The following MCM6 variants were observed in gnomAD, a reference collection of about 807,000 sequenced individuals.
MCM6 encodes the protein minichromosome maintenance complex component 6.
MCM6 carries 46 observed loss-of-function variants against 94.3 expected under a neutral mutation model. That is an observed-to-expected ratio of 0.49 (90% CI 0.39 to 0.62). The LOEUF (loss-of-function observed/expected upper bound fraction) is 0.62, where lower values mean the gene tolerates loss of function less well. Ranked by LOEUF, MCM6 falls within the 20% of genes least tolerant of loss-of-function variation. The pLI is 0.00. For synonymous variants in MCM6, 335 were observed against 351.9 expected, an observed-to-expected ratio of 0.95 and a Z score of 0.54; for missense variants, 865 against 1,017.9, an observed-to-expected ratio of 0.85 and a Z score of 2.04.
At position 135,862,600 on chromosome 2, in the gene MCM6, C is replaced by G. The variant is rs199639116; in HGVS notation, c.1220+7G>C. 3 of 1,613,998 alleles carry G rather than the reference C, an allele frequency of 1.9e-6. No homozygotes were observed. The highest frequency in any genetic ancestry group is 2.5e-6 in the Non-Finnish European group (3 of 1,179,974). ...TTCCTGCAACACTGTATCAGGCAAA[C>G]GCTTACTTGAGAAATTGGCTCTTAG... On this transcript the variant is annotated splice_region_variant and intron_variant, in intron 8 of 16. Transcript: ENST00000264156.
chr2:135,846,782 T>A (rs1014893364), intron 14 of MCM6, among the ~76,000 whole-genome samples: 1 of 152,114 alleles, frequency 6.6e-6, no homozygotes, highest in Admixed American at 6.5e-5. Context: ...GGGAAGCACA[T>A]CACCTGAGGT....
At chr2:135,869,402 G>GA (rs1454791999) in intron 3 of MCM6, among the ~76,000 whole-genome samples, 1,947 of 47,552 alleles carry the variant, frequency 0.041, 83 homozygotes, top group African/African-American at 0.082. Context: ...CTCTGTCTCA[G>GA]AAAAAAAAAA....
intron 15 of MCM6, 28 bp from the exon 16 acceptor site, chr2:135,844,712 T>C: frequency 6.6e-7 from 1 of 1,511,622 alleles, no homozygotes; most frequent in Non-Finnish European, 8.8e-7. Flanking sequence ...ATTCAAATTA[T>C]CCTAGCAACT....
intron 15 of MCM6, among the ~76,000 whole-genome samples, chr2:135,845,728 T>C (rs1468452014): frequency 6.6e-6 from 1 of 152,228 alleles, no homozygotes; most frequent in Non-Finnish European, 1.5e-5. Flanking sequence ...AAACTTTGAA[T>C]AGCATGGTAA....
intron 1 of MCM6, among the ~76,000 whole-genome samples, chr2:135,874,789 C>T (rs1680265946): frequency 6.6e-6 from 1 of 152,144 alleles, no homozygotes; most frequent in East Asian, 1.9e-4. Flanking sequence ...CTCTTCTGGT[C>T]CCAAGCGTTT....
chr2:135,848,307 A>C, intron 13 of MCM6, 119 bp from the exon 14 acceptor site: 2 of 628,714 alleles, frequency 3.2e-6, no homozygotes, highest in East Asian at 2.7e-5. Context: ...ACACTCTCAC[A>C]GTGTTGCTTT....
intron 4 of MCM6, 52 bp downstream of exon 4, chr2:135,868,559 G>A: frequency 4.4e-6 from 7 of 1,580,900 alleles, no homozygotes; most frequent in Non-Finnish European, 6.1e-6. Flanking sequence ...GGGCCTAGAA[G>A]TGAATTATTA....
chr2:135,870,434 A>G (rs1680179480), intron 2 of MCM6, 73 bp from the exon 3 acceptor site: 1 of 977,802 alleles, frequency 1.0e-6, no homozygotes, highest in East Asian at 2.4e-5. Context: ...ACCTACCAAC[A>G]GCCGAGATTA....
chr2:135,857,949 A>G lies in MCM6; in HGVS notation c.1418T>C (p.Ile473Thr). 1 of 1,614,020 alleles carries G rather than the reference A, an allele frequency of 6.2e-7. No homozygotes were observed. The highest frequency in any genetic ancestry group is 8.5e-7 in the Non-Finnish European group (1 of 1,180,044). Residue 473 changes from isoleucine (I) to threonine (T), a missense_variant, in exon 10 of 17, where the codon ATT becomes ACT. Transcript: ENST00000264156. Reference protein sequence around the residue: ...DKMDVRDQVAIHEAMEQQTIS... With the variant: ...DKMDVRDQVATHEAMEQQTIS... Reference sequence around the variant, plus strand: ...GGTCTGCTGTTCCATAGCTTCATGAATAGCAACTTGATCCCGCACGTCCAT... The same window carrying G: ...GGTCTGCTGTTCCATAGCTTCATGAGTAGCAACTTGATCCCGCACGTCCAT...
intron 5 of MCM6, 86 bp from the exon 6 acceptor site, chr2:135,866,363 T>G: frequency 6.6e-7 from 1 of 1,515,222 alleles, no homozygotes; most frequent in Non-Finnish European, 9.0e-7. Context: ...AAGCTATAAA[T>G]CCAAAGACTT....
intron 11 of MCM6, among the ~76,000 whole-genome samples, chr2:135,854,972 T>C (rs922482817): frequency 6.6e-6 from 1 of 151,798 alleles, no homozygotes; most frequent in African/African-American, 2.4e-5. Flanking sequence ...CTGGCCAACA[T>C]GGTGAAACCC....
At chr2:135,871,396 C>A (rs1680197764) in intron 2 of MCM6, among the ~76,000 whole-genome samples, 1 of 152,208 alleles carries the variant, frequency 6.6e-6, no homozygotes, top group Non-Finnish European at 1.5e-5. Flanking sequence ...TTACCCCCTC[C>A]AATTATTCTT....
chr2:135,861,699 G>A (rs555431348), intron 8 of MCM6, among the ~76,000 whole-genome samples: 2 of 152,146 alleles, frequency 1.3e-5, no homozygotes, highest in East Asian at 1.9e-4. Context: ...TGCAAGCTCC[G>A]CCTCCTGGGT....
intron 3 of MCM6, among the ~76,000 whole-genome samples, chr2:135,869,894 T>C (rs1680171095): frequency 6.6e-6 from 1 of 152,246 alleles, no homozygotes; most frequent in African/African-American, 2.4e-5. Context: ...TAAGTGGGTA[T>C]AACTCCTACA....
At chr2:135,844,098 TCAG>T (rs1452531585) in intron 16 of MCM6, among the ~76,000 whole-genome samples, 1 of 151,708 alleles carries the variant, frequency 6.6e-6, no homozygotes, top group Non-Finnish European at 1.5e-5. Context: ...CCAGATACTT[TCAG>T]CTGCTTAGAT....
At position 135,851,385 on chromosome 2, in the gene MCM6, C is replaced by T. The variant is rs1166266226; in HGVS notation, c.1917+17G>A. The T allele has an allele frequency of 6.2e-7, 1 of 1,602,724 alleles. No individual in the cohort carries two copies. Among genetic ancestry groups the T allele is most frequent in the Non-Finnish European group, 8.5e-7 (1 of 1,171,920 alleles). Reference sequence around the variant, plus strand: ...CTGTTTATCTCTGCTCTCATCATATCAAAGTGACTCTGATACCTCATCACA... The same window carrying T: ...CTGTTTATCTCTGCTCTCATCATATTAAAGTGACTCTGATACCTCATCACA... On this transcript the variant is annotated intron_variant, in intron 13 of 16. Transcript: ENST00000264156.
At chr2:135,873,084 G>A (rs1680233855) in intron 1 of MCM6, among the ~76,000 whole-genome samples, 1 of 152,122 alleles carries the variant, frequency 6.6e-6, no homozygotes, top group Non-Finnish European at 1.5e-5. Flanking sequence ...ATTGAAGCAT[G>A]GGGACAAGTC....
chr2:135,869,448 T>C (rs1389666270), intron 3 of MCM6, among the ~76,000 whole-genome samples: 1 of 151,044 alleles, frequency 6.6e-6, no homozygotes, highest in East Asian at 1.9e-4. Flanking sequence ...TTGTTTTATA[T>C]GCAAATACTT....
chr2:135,843,548 C>T (rs1454011198), intron 16 of MCM6, among the ~76,000 whole-genome samples: 1 of 151,538 alleles, frequency 6.6e-6, no homozygotes, highest in Non-Finnish European at 1.5e-5. Flanking sequence ...GCCTGGCCAA[C>T]ATGGCAAAAC....
Sources: allele counts gnomAD v4.1 joint callset (sites outside exome capture counted in the v4.1 genomes callset), GRCh38; gene constraint gnomAD v4.1.1; transcripts MANE v1.5; gene names NCBI Gene and HGNC (gene_info 2026-07-23, HGNC 2026-07-21).